FHIT: variants seen among roughly 807,000 people sequenced by gnomAD.
FHIT encodes the protein fragile histidine triad diadenosine triphosphatase, also known as bis(5'-adenosyl)-triphosphatase.
FHIT carries 19 observed loss-of-function variants against 17.9 expected under a neutral mutation model. The ratio of observed to expected loss-of-function variants is 1.06; its 90% CI spans 0.74 to 1.56. FHIT has a LOEUF of 1.56. Ranked by LOEUF, FHIT falls within the 40% of genes most tolerant of loss-of-function variation. The probability of loss-of-function intolerance (pLI) is 0.00; values close to 1 mark genes in which losing one functional copy is unlikely to be tolerated. For missense variants in FHIT, 248 were observed against 189.2 expected (o/e 1.31, Z -1.82); for synonymous variants, 81 against 69.7 (o/e 1.16, Z -0.81).
intron 4 of FHIT, among the ~76,000 whole-genome samples, chr3:60,566,252 T>TTC (rs772650028): frequency 6.6e-6 from 1 of 152,052 alleles, no homozygotes; most frequent in African/African-American, 2.4e-5. Flanking sequence ...GGGTTGAGAG[T>TTC]TCTGTAGATG....
At chr3:61,125,962 T>C (rs2036594020) in intron 2 of FHIT, among the ~76,000 whole-genome samples, 1 of 152,198 alleles carries the variant, frequency 6.6e-6, no homozygotes, top group Admixed American at 6.5e-5. Flanking sequence ...TATAGATAGG[T>C]AACAGGATGG....
intron 5 of FHIT, among the ~76,000 whole-genome samples, chr3:60,347,539 T>C (rs974898561): frequency 3.3e-5 from 5 of 152,078 alleles, no homozygotes; most frequent in African/African-American, 1.2e-4. Flanking sequence ...CATCAATAGT[T>C]ATTGTAGATG....
Position 61,044,917 on chromosome 3 carries a change from C to T in FHIT, c.-163-2818G>A, listed in dbSNP as rs564786025. 7.9e-4 allele frequency among the ~76,000 whole-genome samples: 121 copies of T among 152,272 alleles called. 1 individual carries two copies. In the South Asian group the frequency reaches 0.012, roughly 16 times the overall value. ...AGTGAAGGAGAAATAAAATCCTTTACAGACAAGCCAATACTGAGAGATTTA... is the reference window on the plus strand; with the variant it reads ...AGTGAAGGAGAAATAAAATCCTTTATAGACAAGCCAATACTGAGAGATTTA... On this transcript the variant is annotated intron_variant, in intron 2 of 9. Transcript: ENST00000492590.
At chr3:61,232,167 T>G (rs756114820) in intron 1 of FHIT, among the ~76,000 whole-genome samples, 2 of 152,156 alleles carry the variant, frequency 1.3e-5, no homozygotes, top group African/African-American at 2.4e-5. Flanking sequence ...GTGGATCACT[T>G]GAGGCCAGGA....
At position 60,769,935 on chromosome 3, in the gene FHIT, T is replaced by C. The variant is rs575487485; in HGVS notation, c.-18+51984A>G. 1.4e-3 allele frequency among the ~76,000 whole-genome samples: 211 copies of C among 152,302 alleles called. 1 individual carries two copies. The highest frequency in any genetic ancestry group is 5.0e-3 in the African/African-American group (209 of 41,574). On this transcript the variant is annotated intron_variant, in intron 4 of 9. Coordinates refer to ENST00000492590, the MANE Select transcript of FHIT (RefSeq NM_002012.4). ...TCTATGAAATTGGAAGCTGAAACTG[T>C]CCAGTGGACATTTTGGACACCTCAC...
chr3:60,522,773 A>C (rs961122945), intron 5 of FHIT, among the ~76,000 whole-genome samples: 1 of 152,160 alleles, frequency 6.6e-6, no homozygotes, highest in African/African-American at 2.4e-5. Context: ...TTTTCTGAAC[A>C]ATCAGCCTAT....
chr3:60,979,903 C>A (rs1457933549), intron 3 of FHIT, among the ~76,000 whole-genome samples: 2 of 152,184 alleles, frequency 1.3e-5, no homozygotes, highest in African/African-American at 2.4e-5. Flanking sequence ...TTAGATTGAG[C>A]CACATGATAT....
In FHIT at chr3:60,752,423, T is replaced by C. The variant is rs927926621; in HGVS notation, c.-18+69496A>G. Among the ~76,000 whole-genome samples, 7 of 152,146 alleles carry C rather than the reference T, an allele frequency of 4.6e-5. No individual in the cohort carries two copies. The South Asian group carries it at 1.4e-3, about 32-fold the overall frequency. On this transcript the variant is annotated intron_variant, in intron 4 of 9. Transcript: ENST00000492590. ...GGAGCTCATGAAACTAAGGCTTCTG[T>C]GCAGCAGCAGGGCCATGGAGTGGAA... is the stretch of plus-strand genomic sequence containing the variant.
intron 3 of FHIT, among the ~76,000 whole-genome samples, chr3:61,004,915 G>A (rs2031339790): frequency 6.6e-6 from 1 of 152,124 alleles, no homozygotes; most frequent in Non-Finnish European, 1.5e-5. Flanking sequence ...AATGTAAGTT[G>A]TTAAATATAT....
intron 1 of FHIT, among the ~76,000 whole-genome samples, chr3:61,206,643 G>C (rs1281759491): frequency 6.6e-6 from 1 of 152,118 alleles, no homozygotes; most frequent in Non-Finnish European, 1.5e-5. Context: ...GTAAAGGAAT[G>C]CTTGTGATTT....
chr3:60,045,780 C>G (rs964011697), intron 5 of FHIT, among the ~76,000 whole-genome samples: 2 of 152,028 alleles, frequency 1.3e-5, no homozygotes, highest in African/African-American at 4.8e-5. Flanking sequence ...ACAGGGAGAT[C>G]ATGGGTGATT....
intron 4 of FHIT, among the ~76,000 whole-genome samples, chr3:60,608,167 C>T (rs1440806372): frequency 2.6e-5 from 4 of 152,180 alleles, no homozygotes; most frequent in Non-Finnish European, 4.4e-5. Flanking sequence ...CACTCTCACC[C>T]TCTTTCTTTC....
At chr3:60,390,513 A>G (rs960322023) in intron 5 of FHIT, among the ~76,000 whole-genome samples, 1 of 151,986 alleles carries the variant, frequency 6.6e-6, no homozygotes, top group Non-Finnish European at 1.5e-5. Context: ...AGAAATAAAA[A>G]TGTAAAACGG....
At position 60,040,157 on chromosome 3, in the gene FHIT, A is replaced by ATT. The variant is rs35207762; in HGVS notation, c.104-26007_104-26006dup. 3.3e-5 allele frequency among the ~76,000 whole-genome samples: 5 copies of ATT among 151,632 alleles called. 1 individual carries two copies. In the South Asian group the frequency reaches 8.4e-4, roughly 25 times the overall value. On this transcript the variant is annotated intron_variant, in intron 5 of 9. Coordinates refer to ENST00000492590, the MANE Select transcript of FHIT (RefSeq NM_002012.4). The stretch of plus-strand genomic sequence containing the variant: ...CTTCTTTCTTTTTATTTATTTATTT[A>ATT]TTTTTTTGAGACAGAGTCTTGCTCT...
intron 4 of FHIT, among the ~76,000 whole-genome samples, chr3:60,702,122 C>T (rs2041262525): frequency 6.6e-6 from 1 of 152,168 alleles, no homozygotes; most frequent in Non-Finnish European, 1.5e-5. Context: ...TCTTGGCCTC[C>T]CAAAATGCTG....
Position 60,160,127 on chromosome 3 carries a change from TG to T in FHIT, c.104-145976del, listed in dbSNP as rs1159805128. ...AAACTAATCCCATTCTGTGCTTATG[TG>T]TGTGTGTGTGTGTGTCTGTGTGTCT... On this transcript the variant is annotated intron_variant, in intron 5 of 9. Coordinates refer to ENST00000492590, the MANE Select transcript of FHIT (RefSeq NM_002012.4). Among the ~76,000 whole-genome samples, 5 of 37,660 alleles carry T rather than the reference TG, an allele frequency of 1.3e-4. No homozygotes were observed. In the East Asian group the frequency reaches 2.2e-3, roughly 17 times the overall value. 24.7% of individuals were successfully genotyped at this position (37,660 alleles called of 152,430 possible).
At chr3:60,123,124 G>A (rs1020210826) in intron 5 of FHIT, among the ~76,000 whole-genome samples, 72 of 152,148 alleles carry the variant, frequency 4.7e-4, no homozygotes, top group African/African-American at 1.6e-3. Flanking sequence ...AAGCAAGCAC[G>A]GAAAAGAAAG....
chr3:60,597,658 C>A (rs184271579), intron 4 of FHIT, among the ~76,000 whole-genome samples: 1 of 152,200 alleles, frequency 6.6e-6, no homozygotes, highest in Non-Finnish European at 1.5e-5. Context: ...GAATTAAGAC[C>A]CTCAAGTGTG....
intron 5 of FHIT, among the ~76,000 whole-genome samples, chr3:60,378,314 A>T (rs1700662032): frequency 6.6e-6 from 1 of 152,152 alleles, no homozygotes. Flanking sequence ...CATAGTTTCC[A>T]CACAAACAGG....
Sources: allele counts gnomAD v4.1 joint callset (sites outside exome capture counted in the v4.1 genomes callset), GRCh38; gene constraint gnomAD v4.1.1; transcripts MANE v1.5; gene names NCBI Gene and HGNC (gene_info 2026-07-23, HGNC 2026-07-21).